CDK6: variants seen among roughly 807,000 people sequenced by gnomAD.
CDK6 encodes cyclin dependent kinase 6.
A neutral mutation model predicts 37.1 loss-of-function variants in CDK6; 6 were observed. The observed-to-expected ratio is 0.16, with a 90% confidence interval of 0.09 to 0.32. The LOEUF (loss-of-function observed/expected upper bound fraction) is 0.32. CDK6 is among the 10% of genes least tolerant of loss of function. The pLI is 1.00. For synonymous variants in CDK6, 160 were observed against 161.3 expected, an observed-to-expected ratio of 0.99 and a Z score of 0.06; for missense variants, 224 against 418.9, an observed-to-expected ratio of 0.53 and a Z score of 4.06.
chr7:92,706,201 C>A (rs549982579), intron 4 of CDK6, among the ~76,000 whole-genome samples: 2 of 152,170 alleles, frequency 1.3e-5, no homozygotes, highest in African/African-American at 4.8e-5. Context: ...AGGAAGTGAT[C>A]GGTGGAATAC....
chr7:92,653,803 C>T (rs1013496214), intron 5 of CDK6, among the ~76,000 whole-genome samples: 7 of 152,110 alleles, frequency 4.6e-5, no homozygotes, highest in Non-Finnish European at 1.0e-4. Flanking sequence ...GACAGGGTCT[C>T]ACCGTGTTGT....
intron 5 of CDK6, among the ~76,000 whole-genome samples, chr7:92,668,292 T>C (rs1797002695): frequency 6.6e-6 from 1 of 152,168 alleles, no homozygotes; most frequent in East Asian, 1.9e-4. Context: ...TGTAAGTACA[T>C]TCGACAATGT....
chr7:92,623,869 T>G (rs1469915726), intron 5 of CDK6, among the ~76,000 whole-genome samples: 1 of 152,184 alleles, frequency 6.6e-6, no homozygotes, highest in Non-Finnish European at 1.5e-5. Context: ...TCATTTTGCA[T>G]ACACCTATGG....
At chr7:92,762,544 C>G (rs1799481981) in intron 3 of CDK6, among the ~76,000 whole-genome samples, 1 of 151,730 alleles carries the variant, frequency 6.6e-6, no homozygotes, top group Non-Finnish European at 1.5e-5. Context: ...AGTGTTTATT[C>G]CATACTAACC....
intron 2 of CDK6, among the ~76,000 whole-genome samples, chr7:92,829,426 T>C (rs1415930862): frequency 6.6e-6 from 1 of 152,238 alleles, no homozygotes; most frequent in Non-Finnish European, 1.5e-5. Context: ...AGGTAAGCAC[T>C]GGCTTGTATC....
chr7:92,738,601 G>A (rs1296459377), intron 3 of CDK6, among the ~76,000 whole-genome samples: 1 of 149,668 alleles, frequency 6.7e-6, no homozygotes, highest in African/African-American at 2.5e-5. Context: ...ACCGGCCACT[G>A]CACTCCAGCC....
chr7:92,669,392 T>C (rs1797026998), intron 5 of CDK6, among the ~76,000 whole-genome samples: 1 of 152,222 alleles, frequency 6.6e-6, no homozygotes, highest in African/African-American at 2.4e-5. Flanking sequence ...ATTCTACATA[T>C]ATAAAATTTT....
intron 5 of CDK6, among the ~76,000 whole-genome samples, chr7:92,643,374 A>T (rs1796362844): frequency 6.6e-6 from 1 of 152,214 alleles, no homozygotes; most frequent in South Asian, 2.1e-4. Flanking sequence ...TCATTCACTC[A>T]TTCAGCACAT....
chr7:92,740,338 T>A (rs1470674846), intron 3 of CDK6, among the ~76,000 whole-genome samples: 1 of 152,176 alleles, frequency 6.6e-6, no homozygotes, highest in East Asian at 1.9e-4. Flanking sequence ...AACATACACA[T>A]CTTGTCTGTC....
At chr7:92,621,257 G>T (rs1363999182) in intron 6 of CDK6, among the ~76,000 whole-genome samples, 3 of 152,210 alleles carry the variant, frequency 2.0e-5, no homozygotes, top group Admixed American at 2.0e-4. Context: ...ATGACACAAT[G>T]CCAGAAACCA....
At chr7:92,661,218 CAAAT>C (rs1357244653) in intron 5 of CDK6, among the ~76,000 whole-genome samples, 1 of 152,188 alleles carries the variant, frequency 6.6e-6, no homozygotes, top group Non-Finnish European at 1.5e-5. Context: ...ACTCTGAAGT[CAAAT>C]AATCCTGGTT....
At chr7:92,643,964 A>C (rs1796380126) in intron 5 of CDK6, among the ~76,000 whole-genome samples, 1 of 152,216 alleles carries the variant, frequency 6.6e-6, no homozygotes, top group South Asian at 2.1e-4. Flanking sequence ...AAGATGATGA[A>C]AGAAAAGAAA....
chr7:92,641,518 G>A (rs1796304694), intron 5 of CDK6, among the ~76,000 whole-genome samples: 1 of 151,830 alleles, frequency 6.6e-6, no homozygotes. Flanking sequence ...CTTACTTTCT[G>A]GTATAACAAG....
chr7:92,774,931 A>C (rs566006414), intron 2 of CDK6, 100 bp from the exon 3 acceptor site: 1 of 1,077,096 alleles, frequency 9.3e-7, no homozygotes, highest in South Asian at 1.6e-5. Context: ...AATAGAAAAA[A>C]AAGGCCAGTG....
At chr7:92,716,724 T>C (rs1029944139) in intron 4 of CDK6, among the ~76,000 whole-genome samples, 3 of 152,234 alleles carry the variant, frequency 2.0e-5, no homozygotes, top group African/African-American at 7.2e-5. Flanking sequence ...GAAATGTTGC[T>C]TTATATTCAA....
Position 92,607,351 on chromosome 7 carries a change from A to G in CDK6, c.*7789T>C. The stretch of plus-strand genomic sequence containing the variant: ...AGTTTCTAAATTAAGGCATATCTAA[A>G]ATGCTTTTCTACCTTTAGTTTTTAT... On this transcript the variant is annotated 3_prime_UTR_variant, in exon 8 of 8. Transcript: ENST00000424848. The G allele has an allele frequency of 4.3e-6, 1 of 233,336 alleles. No individual in the cohort carries two copies. Among genetic ancestry groups the G allele is most frequent in the Non-Finnish European group, 8.5e-6 (1 of 118,014 alleles). The allele number at this position is 233,336 out of a possible 1,614,324, so 14.5% of individuals were successfully genotyped here. A position where few individuals can be genotyped will look rare whatever the true frequency, so the allele number is the denominator to read the frequency against.
At chr7:92,787,357 ATT>A (rs1373786006) in intron 2 of CDK6, among the ~76,000 whole-genome samples, 1 of 152,106 alleles carries the variant, frequency 6.6e-6, no homozygotes, top group Non-Finnish European at 1.5e-5. Flanking sequence ...CTATTTTTCA[ATT>A]CAGATTTTTT....
chr7:92,717,415 A>G (rs1419842097), intron 4 of CDK6, among the ~76,000 whole-genome samples: 5 of 138,810 alleles, frequency 3.6e-5, no homozygotes, highest in South Asian at 2.8e-4. Context: ...GGAAGGAAGG[A>G]AGGGAGGGAG....
intron 4 of CDK6, among the ~76,000 whole-genome samples, chr7:92,694,042 A>T (rs1238745648): frequency 6.6e-6 from 1 of 152,192 alleles, no homozygotes; most frequent in African/African-American, 2.4e-5. Flanking sequence ...TATTAGTCTC[A>T]TCTTTAGTCA....
Sources: gnomAD v4.1 joint callset for allele counts (sites outside exome capture counted in the v4.1 genomes callset) on GRCh38, gnomAD v4.1.1 for gene constraint, MANE v1.5 for transcripts, NCBI Gene and HGNC (gene_info 2026-07-23, HGNC 2026-07-21) for gene names.